The following PP2D1 variants were observed in gnomAD, a reference collection of about 807,000 sequenced individuals.
PP2D1 encodes protein phosphatase 2C like domain containing 1.
Under a neutral mutation model 30.2 loss-of-function variants are expected in PP2D1, and 25 were observed. The ratio of observed to expected loss-of-function variants is 0.83; its 90% CI spans 0.60 to 1.16. The LOEUF (loss-of-function observed/expected upper bound fraction) is 1.16. PP2D1 is among the 50% of genes most tolerant of loss of function. PP2D1 has a pLI of 0.00. For missense variants in PP2D1, 760 were observed against 742.4 expected (o/e 1.02, Z -0.28); for synonymous variants, 260 against 258.9 (o/e 1.00, Z -0.04).
intron 2 of PP2D1, among the ~76,000 whole-genome samples, chr3:19,997,712 C>T (rs948082918): frequency 1.3e-5 from 2 of 152,136 alleles, no homozygotes; most frequent in African/African-American, 2.4e-5. Flanking sequence ...TCATTTGTAG[C>T]AACATGGATG....
downstream of PP2D1, among the ~76,000 whole-genome samples, chr3:19,981,155 A>G (rs1315605128): frequency 6.6e-6 from 1 of 152,196 alleles, no homozygotes; most frequent in Non-Finnish European, 1.5e-5. Flanking sequence ...TGAATTTAGC[A>G]CATCAAGGAT....
chr3:19,998,329 CAA>C (rs566777177), intron 2 of PP2D1, among the ~76,000 whole-genome samples: 13 of 122,350 alleles, frequency 1.1e-4, no homozygotes, highest in Admixed American at 1.7e-4. Context: ...GACTCCGTCT[CAA>C]AAAAAAAAAA....
chr3:19,983,943 G>C, downstream of PP2D1: 1 of 676,198 alleles, frequency 1.5e-6, no homozygotes, highest in Non-Finnish European at 2.5e-6. Flanking sequence ...ATAGAGTCAA[G>C]TTTCTAATAC....
chr3:19,986,206 A>G, intron 2 of PP2D1, 24 bp from the exon 3 acceptor site: 1 of 1,421,334 alleles, frequency 7.0e-7, no homozygotes, highest in Non-Finnish European at 9.2e-7. Context: ...TTTTAAAAGA[A>G]GAAATTTTTA....
chr3:19,987,796 C>A (rs533913255), intron 2 of PP2D1, among the ~76,000 whole-genome samples: 137 of 152,296 alleles, frequency 9.0e-4, no homozygotes, highest in African/African-American at 3.1e-3. Flanking sequence ...GTCAGGGACC[C>A]TGAACAGAGG....
intron 1 of PP2D1, among the ~76,000 whole-genome samples, chr3:20,009,907 G>T (rs929332620): frequency 6.6e-6 from 1 of 152,112 alleles, no homozygotes; most frequent in South Asian, 2.1e-4. Flanking sequence ...AATACTTTTA[G>T]AACTATTTGA....
downstream of PP2D1, chr3:19,985,225 T>A: frequency 3.3e-6 from 2 of 613,356 alleles, no homozygotes; most frequent in Non-Finnish European, 5.5e-6. Context: ...AGTGAATATA[T>A]ATAAATGATA....
chr3:19,985,975 A>T lies in PP2D1; in HGVS notation c.1298T>A (p.Ile433Asn). The T allele has an allele frequency of 2.0e-6, 3 of 1,536,182 alleles. No homozygotes were observed. Among genetic ancestry groups the T allele is most frequent in the Non-Finnish European group, 2.6e-6 (3 of 1,146,882 alleles). Residue 433 changes from isoleucine to asparagine, a missense_variant, in exon 3 of 3, where the codon ATC becomes AAC. Physicochemically the swap from Ile to Asn is moderately radical, Grantham distance 149. This residue lies in a region of PP2D1 where 369 missense variants were observed against 316.2 expected (regional missense o/e 1.17). Coordinates refer to ENST00000389050, the MANE Select transcript of PP2D1 (RefSeq NM_001252657.2). ...HGNLKLKKSI[I>N]PAPQTISVPI... ...GACAGAAATAGTTTGAGGTGCTGGG[A>T]TAATGGATTTTTTCAGCTTGAGATT...
At chr3:19,984,003 C>T (rs1383585723), downstream of PP2D1, 2 of 551,818 alleles carry the variant, frequency 3.6e-6, no homozygotes, top group Non-Finnish European at 6.6e-6. Flanking sequence ...ATGCATGGGT[C>T]CCTCTCACTA....
At chr3:19,993,404 T>C (rs1337685086) in intron 2 of PP2D1, among the ~76,000 whole-genome samples, 1 of 152,144 alleles carries the variant, frequency 6.6e-6, no homozygotes, top group African/African-American at 2.4e-5. Flanking sequence ...AAACCAGCTT[T>C]TACCTGAGAC....
intron 1 of PP2D1, among the ~76,000 whole-genome samples, chr3:20,009,648 T>A (rs1232003060): frequency 6.6e-6 from 1 of 152,166 alleles, no homozygotes; most frequent in African/African-American, 2.4e-5. Flanking sequence ...AAATCACTTC[T>A]AGGAAGGAAA....
chr3:19,980,720 CATT>C (rs1318877553), downstream of PP2D1, among the ~76,000 whole-genome samples: 1 of 152,136 alleles, frequency 6.6e-6, no homozygotes, highest in Non-Finnish European at 1.5e-5. Flanking sequence ...CAGTGTTCAA[CATT>C]TCTGGGGCTT....
chr3:19,979,980 T>G (rs1392999116), exon 4 of PP2D1: 1 of 152,226 alleles, frequency 6.6e-6, no homozygotes, highest in East Asian at 1.9e-4. Flanking sequence ...CAAGTATTTT[T>G]ATTATTTTTC....
chr3:19,981,280 G>A (rs961991106), downstream of PP2D1, among the ~76,000 whole-genome samples: 8 of 152,046 alleles, frequency 5.3e-5, no homozygotes, highest in Admixed American at 3.9e-4. Context: ...AACTTACTAC[G>A]GGATTACATA....
chr3:19,982,097 C>T (rs999399436), downstream of PP2D1, among the ~76,000 whole-genome samples: 2 of 151,464 alleles, frequency 1.3e-5, no homozygotes, highest in Non-Finnish European at 2.9e-5. Context: ...AAAAGCCAGG[C>T]ATGGTGGTGC....
intron 2 of PP2D1, among the ~76,000 whole-genome samples, chr3:19,988,988 AAAAAC>A (rs1269372793): frequency 6.6e-6 from 1 of 152,094 alleles, no homozygotes; most frequent in East Asian, 1.9e-4. Context: ...TCTCTCAAAA[AAAAAC>A]AAAAAAGGTT....
chr3:19,996,760 C>G (rs1575085802), intron 2 of PP2D1: 1 of 151,544 alleles, frequency 6.6e-6, no homozygotes, highest in East Asian at 1.9e-4. Context: ...GGGATTTATT[C>G]CAGGGATGCA....
chr3:20,009,477 T>A (rs6792745), intron 1 of PP2D1, among the ~76,000 whole-genome samples: 25,983 of 151,776 alleles, frequency 0.17, 2,360 homozygotes, highest in Non-Finnish European at 0.21. Context: ...ATACAAAAAG[T>A]ATATTAAATT....
intron 2 of PP2D1, among the ~76,000 whole-genome samples, chr3:19,992,670 T>G (rs1697132423): frequency 6.6e-6 from 1 of 152,186 alleles, no homozygotes; most frequent in East Asian, 1.9e-4. Context: ...TACTGTTCAT[T>G]TGAAGTAACC....
Sources: gnomAD v4.1 joint callset for allele counts (sites outside exome capture counted in the v4.1 genomes callset) on GRCh38, gnomAD v4.1.1 for gene constraint, gnomAD v4.1.1 regional missense constraint, MANE v1.5 for transcripts, NCBI Gene and HGNC (gene_info 2026-07-23, HGNC 2026-07-21) for gene names.